SEC24B: variants seen among roughly 807,000 people sequenced by gnomAD.
SEC24B encodes protein transport protein Sec24B.
SEC24B carries 45 observed loss-of-function variants against 142.8 expected under a neutral mutation model. That is an observed-to-expected ratio of 0.32 (90% confidence interval 0.25 to 0.40). The LOEUF is 0.40. Among genes scored for constraint, SEC24B ranks in the 10% least tolerant of loss-of-function variants. The pLI is 1.00. For synonymous variants in SEC24B, 574 were observed against 568.2 expected, an observed-to-expected ratio of 1.01 and a Z score of -0.15; for missense variants, 1,409 against 1,526.8, an observed-to-expected ratio of 0.92 and a Z score of 1.29.
intron 4 of SEC24B, among the ~76,000 whole-genome samples, chr4:109,483,788 AT>A (rs929906956): frequency 3.3e-5 from 5 of 152,072 alleles, no homozygotes; most frequent in East Asian, 1.9e-4. Flanking sequence ...TGTTTCTGAA[AT>A]TTTTTTTGTA....
At chr4:109,506,271 A>AC in intron 6 of SEC24B, 57 bp from the exon 7 acceptor site, 1 of 1,297,956 alleles carries the variant, frequency 7.7e-7, no homozygotes, top group Non-Finnish European at 1.0e-6. Flanking sequence ...TAGTATATAT[A>AC]AGAAAATTTA....
rs1725961062 is a variant in SEC24B at position 109,539,542 on chromosome 4, G to C, written c.3693-19G>C. The C allele has an allele frequency of 1.3e-6, 2 of 1,488,530 alleles. No homozygotes were observed. The highest frequency in any genetic ancestry group is 4.5e-5 in the East Asian group (2 of 44,284). 92.2% of individuals were successfully genotyped at this position (1,488,530 alleles called of 1,614,324 possible). Reference sequence around the variant, plus strand: ...GGCTTTTAAATACGTTTAGACAAATGCCCTTTTCTTTCTTCCAGAGATGAG... The same window carrying C: ...GGCTTTTAAATACGTTTAGACAAATCCCCTTTTCTTTCTTCCAGAGATGAG... On this transcript the variant is annotated intron_variant, in intron 23 of 23. Transcript: ENST00000265175.
At chr4:109,439,153 G>A (rs1002548616) in intron 1 of SEC24B, among the ~76,000 whole-genome samples, 4 of 152,044 alleles carry the variant, frequency 2.6e-5, no homozygotes, top group African/African-American at 9.7e-5. Context: ...CACTTTAATT[G>A]TTAATAATGC....
intron 22 of SEC24B, 98 bp downstream of exon 22, chr4:109,533,783 A>G: frequency 1.2e-6 from 1 of 826,090 alleles, no homozygotes; most frequent in Non-Finnish European, 2.0e-6. Flanking sequence ...TGTACAATTC[A>G]GTAATTTTTG....
chr4:109,439,423 C>T (rs1728705614), intron 1 of SEC24B, among the ~76,000 whole-genome samples: 2 of 141,102 alleles, frequency 1.4e-5, no homozygotes, highest in South Asian at 4.4e-4. Flanking sequence ...TGAATATACC[C>T]CTGTGGTATT....
At chr4:109,522,051 G>T (rs1247990414) in intron 14 of SEC24B, among the ~76,000 whole-genome samples, 91 of 130,140 alleles carry the variant, frequency 7.0e-4, no homozygotes, top group African/African-American at 2.4e-3. Flanking sequence ...TTTTTGTTTT[G>T]TTTTTGTTTT....
intron 1 of SEC24B, among the ~76,000 whole-genome samples, chr4:109,439,474 A>ATTTT (rs70949077): frequency 1.1e-4 from 5 of 43,992 alleles, no homozygotes; most frequent in African/African-American, 1.9e-4. Context: ...TCCTAAGCTG[A>ATTTT]TTTTTTTTTT....
chr4:109,516,254 A>T (rs1452369387), intron 10 of SEC24B, among the ~76,000 whole-genome samples: 1 of 152,222 alleles, frequency 6.6e-6, no homozygotes, highest in African/African-American at 2.4e-5. Flanking sequence ...TTAAAAAATG[A>T]ACTCTTAGCC....
In SEC24B at chr4:109,495,605, C is replaced by T. The variant is rs144050226; in HGVS notation, c.1488+749C>T. Among the ~76,000 whole-genome samples, 401 of 152,208 alleles carry T rather than the reference C, an allele frequency of 2.6e-3. 1 individual carries two copies. Among genetic ancestry groups the T allele is most frequent in the African/African-American group, 9.0e-3 (374 of 41,540 alleles). ...TCTTATTTACCTAGGGCTCGCAGAT[C>T]GGTTCGATTAGTTGTGACATTTACA... On this transcript the variant is annotated intron_variant, in intron 6 of 23. Transcript: ENST00000265175.
chr4:109,535,821 C>T (rs1725474433), intron 22 of SEC24B, among the ~76,000 whole-genome samples: 1 of 151,638 alleles, frequency 6.6e-6, no homozygotes, highest in Non-Finnish European at 1.5e-5. Flanking sequence ...CACTGCGTTC[C>T]AGCCTGGGTG....
chr4:109,516,542 A>G lies in SEC24B; in HGVS notation c.2028A>G (p.Gln676=), dbSNP rs372568370. 1.3e-4 allele frequency: 205 copies of G among 1,610,040 alleles called. 3 individuals carry two copies. The Middle Eastern group carries it at 1.3e-3, about 10-fold the overall frequency. The part of the protein sequence containing the change: ...ASSDYMLRPP[Q]PAVYLFVLDV... The stretch of plus-strand genomic sequence containing the variant: ...ATTCCTTTCAGCTGCGTCCTCCTCA[A>G]CCTGCAGTTTACTTGTTTGTTTTAG... The change falls in exon 11 of 24, where the codon CAA becomes CAG. Residue 676 remains glutamine (Q), a synonymous_variant. Coordinates refer to ENST00000265175, the MANE Select transcript of SEC24B (RefSeq NM_006323.5).
intron 9 of SEC24B, among the ~76,000 whole-genome samples, chr4:109,512,384 A>G (rs1300075920): frequency 6.6e-6 from 1 of 152,194 alleles, no homozygotes; most frequent in Admixed American, 6.5e-5. Flanking sequence ...ATTGTCTTAC[A>G]TTTGTATATT....
In SEC24B at chr4:109,445,234, C is replaced by G. The variant is rs149888654; in HGVS notation, c.133+11232C>G. Among the ~76,000 whole-genome samples, 801 of 137,172 alleles carry G rather than the reference C, an allele frequency of 5.8e-3. 8 individuals are homozygous for G. Among genetic ancestry groups the G allele is most frequent in the African/African-American group, 0.022 (754 of 34,902 alleles). 90.0% of individuals were successfully genotyped at this position (137,172 alleles called of 152,430 possible). ...TGGCCATTTTTTTAGTTTTTTCTTTCTTTCTTTGTTTTTTTTTTTTTTTTT... is the reference window on the plus strand; with the variant it reads ...TGGCCATTTTTTTAGTTTTTTCTTTGTTTCTTTGTTTTTTTTTTTTTTTTT... On this transcript the variant is annotated intron_variant, in intron 1 of 23. Transcript: ENST00000265175.
intron 4 of SEC24B, among the ~76,000 whole-genome samples, chr4:109,485,106 TA>T (rs778581968): frequency 3.9e-5 from 6 of 152,208 alleles, no homozygotes; most frequent in Admixed American, 6.5e-5. Context: ...GTGATAATGA[TA>T]GTAACAATTA....
chr4:109,448,722 T>C (rs1729738277), intron 1 of SEC24B, among the ~76,000 whole-genome samples: 1 of 152,134 alleles, frequency 6.6e-6, no homozygotes, highest in Admixed American at 6.5e-5. Context: ...CATGAGGCAC[T>C]GTGCCCAGCC....
intron 4 of SEC24B, among the ~76,000 whole-genome samples, chr4:109,485,023 A>T (rs773310370): frequency 1.1e-4 from 16 of 152,136 alleles, no homozygotes; most frequent in Non-Finnish European, 1.6e-4. Flanking sequence ...AGCAATACAG[A>T]GCTAGTATGT....
chr4:109,456,174 T>C (rs917546687), intron 1 of SEC24B, among the ~76,000 whole-genome samples: 11 of 152,084 alleles, frequency 7.2e-5, no homozygotes, highest in African/African-American at 2.7e-4. Context: ...ATTCCCCTTG[T>C]TTACTACTGA....
At chr4:109,505,978 A>G (rs753735095) in intron 6 of SEC24B, among the ~76,000 whole-genome samples, 15 of 152,204 alleles carry the variant, frequency 9.9e-5, no homozygotes, top group Non-Finnish European at 1.5e-4. Flanking sequence ...CTATGGTACC[A>G]ACTCATTATT....
At position 109,539,807 on chromosome 4, in the gene SEC24B, C is replaced by T. The variant is rs868555939; in HGVS notation, c.*132C>T. On this transcript the variant is annotated 3_prime_UTR_variant, in exon 24 of 24. Coordinates refer to ENST00000265175, the MANE Select transcript of SEC24B (RefSeq NM_006323.5). ...GCAACGCACAGCACTCTGTCTGAGGCTTTGGTAAAAAGTAAAGGGGAAGAA... is the reference window on the plus strand; with the variant it reads ...GCAACGCACAGCACTCTGTCTGAGGTTTTGGTAAAAAGTAAAGGGGAAGAA... The T allele has an allele frequency of 6.5e-6, 4 of 619,250 alleles. No homozygotes were observed. Among genetic ancestry groups the T allele is most frequent in the Non-Finnish European group, 8.4e-6 (3 of 355,380 alleles). The allele number at this position is 619,250 out of a possible 1,614,324, so 38.4% of individuals were successfully genotyped here.
Sources: allele counts gnomAD v4.1 joint callset (sites outside exome capture counted in the v4.1 genomes callset), GRCh38; gene constraint gnomAD v4.1.1; transcripts MANE v1.5; gene names NCBI Gene and HGNC (gene_info 2026-07-23, HGNC 2026-07-21).